TENM4: variants seen among roughly 807,000 people sequenced by gnomAD.
The protein encoded by TENM4 is teneurin-4.
In TENM4, 82 loss-of-function variants were observed where a neutral mutation model predicts 243.3. That is an observed-to-expected ratio of 0.34 (90% CI 0.28 to 0.40). TENM4 has a LOEUF of 0.40. Among genes scored for constraint, TENM4 ranks in the 10% least tolerant of loss-of-function variants. The pLI is 1.00. For synonymous variants in TENM4, 1,412 were observed against 1,456.3 expected (o/e 0.97, Z 0.69); for missense variants, 3,138 against 3,673.3 (o/e 0.85, Z 3.77).
At chr11:79,170,847 G>A (rs1055379865) in intron 3 of TENM4, among the ~76,000 whole-genome samples, 2 of 152,154 alleles carry the variant, frequency 1.3e-5, no homozygotes, top group Admixed American at 1.3e-4. Flanking sequence ...AGGAGCCGGA[G>A]AGACCTTTTT....
At chr11:79,274,656 C>T (rs558266894) in intron 2 of TENM4, among the ~76,000 whole-genome samples, 4 of 152,248 alleles carry the variant, frequency 2.6e-5, no homozygotes, top group East Asian at 1.9e-4. Context: ...TTAAAAACCA[C>T]GGAGCTGGCA....
intron 7 of TENM4, among the ~76,000 whole-genome samples, chr11:78,898,356 A>G (rs1266846209): frequency 6.6e-6 from 1 of 152,192 alleles, no homozygotes; most frequent in East Asian, 1.9e-4. Context: ...CTGTTATAGT[A>G]TTTATTCAGC....
chr11:78,758,224 C>T (rs746466142), intron 18 of TENM4, among the ~76,000 whole-genome samples: 1 of 152,160 alleles, frequency 6.6e-6, no homozygotes, highest in African/African-American at 2.4e-5. Context: ...AACTTCCTCA[C>T]CACCGTGGGA....
chr11:78,686,592 G>C (rs1243797228), intron 29 of TENM4, among the ~76,000 whole-genome samples: 1 of 152,164 alleles, frequency 6.6e-6, no homozygotes, highest in Non-Finnish European at 1.5e-5. Flanking sequence ...CAACCGGTGG[G>C]ATTTGAGGCC....
intron 4 of TENM4, among the ~76,000 whole-genome samples, chr11:79,115,784 G>A (rs1432285196): frequency 6.6e-6 from 1 of 152,156 alleles, no homozygotes; most frequent in Non-Finnish European, 1.5e-5. Flanking sequence ...GCTGCCCAAG[G>A]GCCTTCAGTA....
At position 78,815,622 on chromosome 11, in the gene TENM4, G is replaced by T. The variant is rs370158070; in HGVS notation, c.1682-1227C>A. On this transcript the variant is annotated intron_variant, in intron 12 of 33. Transcript: ENST00000278550. Reference sequence around the variant, plus strand: ...GGTAAACCTATTATCCAGAATGTGTGTTTATTTGGAACAGCTCATTTCTCA... The same window carrying T: ...GGTAAACCTATTATCCAGAATGTGTTTTTATTTGGAACAGCTCATTTCTCA... Among the ~76,000 whole-genome samples, 4 of 152,300 alleles carry T rather than the reference G, an allele frequency of 2.6e-5. No homozygotes were observed. In the East Asian group the frequency reaches 7.7e-4, roughly 29 times the overall value.
At chr11:79,163,523 T>C (rs564142122) in intron 3 of TENM4, among the ~76,000 whole-genome samples, 10 of 151,862 alleles carry the variant, frequency 6.6e-5, no homozygotes, top group African/African-American at 1.9e-4. Context: ...CAATGTGTAG[T>C]CTTTTATTCC....
intron 4 of TENM4, among the ~76,000 whole-genome samples, chr11:79,079,610 A>T (rs906206658): frequency 1.3e-5 from 2 of 152,134 alleles, no homozygotes; most frequent in African/African-American, 4.8e-5. Flanking sequence ...AGGGCAGATC[A>T]CTTGAGGCCG....
intron 7 of TENM4, among the ~76,000 whole-genome samples, chr11:78,892,497 G>A (rs1855691222): frequency 6.6e-6 from 1 of 152,154 alleles, no homozygotes; most frequent in Non-Finnish European, 1.5e-5. Context: ...GCAACTTTGG[G>A]TATAACCCTT....
chr11:79,164,935 A>T (rs1283869851), intron 3 of TENM4, among the ~76,000 whole-genome samples: 1 of 149,188 alleles, frequency 6.7e-6, no homozygotes, highest in Admixed American at 6.8e-5. Context: ...GCAACATGAA[A>T]ATGGACTAAT....
chr11:78,704,178 T>C (rs923586749), intron 27 of TENM4, among the ~76,000 whole-genome samples: 1 of 142,916 alleles, frequency 7.0e-6, no homozygotes, highest in African/African-American at 2.6e-5. Flanking sequence ...TATATATATA[T>C]ATATATATAT....
intron 28 of TENM4, among the ~76,000 whole-genome samples, chr11:78,699,382 G>C (rs944774394): frequency 1.3e-5 from 2 of 152,204 alleles, no homozygotes; most frequent in Non-Finnish European, 2.9e-5. Flanking sequence ...GTGGTTTCAG[G>C]CTTGTTATCT....
At position 79,409,473 on chromosome 11, in the gene TENM4, C is replaced by T. The variant is rs556096073; in HGVS notation, c.-321+31036G>A. On this transcript the variant is annotated intron_variant, in intron 1 of 33. Coordinates refer to ENST00000278550, the MANE Select transcript of TENM4 (RefSeq NM_001098816.3). ...GGAATGAGGGGCGGCAGGAATCCAG[C>T]GTGGCTAGGGAATTTCACCAGCTGC... is the stretch of plus-strand genomic sequence containing the variant. Among the ~76,000 whole-genome samples the T allele has an allele frequency of 9.2e-5, 14 of 152,236 alleles. 1 individual carries two copies. In the South Asian group the frequency reaches 2.1e-3, roughly 23 times the overall value.
intron 6 of TENM4, among the ~76,000 whole-genome samples, chr11:78,959,313 A>G (rs1235737815): frequency 6.6e-6 from 1 of 152,244 alleles, no homozygotes; most frequent in African/African-American, 2.4e-5. Context: ...GGCAGAAACA[A>G]TAAAGATAAT....
chr11:78,859,372 C>T (rs1331826256), intron 10 of TENM4, among the ~76,000 whole-genome samples: 1 of 152,224 alleles, frequency 6.6e-6, no homozygotes, highest in Non-Finnish European at 1.5e-5. Context: ...GGCTCCCCTA[C>T]AGCAAGATTA....
chr11:79,335,827 C>T (rs367594666), intron 1 of TENM4, among the ~76,000 whole-genome samples: 1 of 152,146 alleles, frequency 6.6e-6, no homozygotes, highest in Non-Finnish European at 1.5e-5. Flanking sequence ...ACTAATTCTG[C>T]CTGAAAGATA....
intron 18 of TENM4, among the ~76,000 whole-genome samples, chr11:78,761,094 T>C (rs1051289571): frequency 2.6e-5 from 4 of 152,214 alleles, no homozygotes; most frequent in Admixed American, 1.3e-4. Flanking sequence ...GGAGTGGTCA[T>C]CCTTCTGCAT....
chr11:78,940,196 C>T (rs1856862012), intron 6 of TENM4, among the ~76,000 whole-genome samples: 1 of 152,098 alleles, frequency 6.6e-6, no homozygotes, highest in South Asian at 2.1e-4. Flanking sequence ...TATCCAATCT[C>T]CACTTAACAT....
At position 79,064,654 on chromosome 11, in the gene TENM4, G is replaced by A. The variant is rs375106020; in HGVS notation, c.493+84C>T. ...TTTCACCAACTTCACCAGAGCCCCG[G>A]CAGTGGAGCAGGAAATCAATATTAT... is the stretch of plus-strand genomic sequence containing the variant. On this transcript the variant is annotated intron_variant, in intron 6 of 33. Coordinates refer to ENST00000278550, the MANE Select transcript of TENM4 (RefSeq NM_001098816.3). 809 of 1,503,048 alleles carry A rather than the reference G, an allele frequency of 5.4e-4. 4 individuals carry two copies. In the African/African-American group the frequency reaches 9.1e-3, roughly 17 times the overall value. 93.1% of individuals were successfully genotyped at this position (1,503,048 alleles called of 1,614,324 possible).
Sources: allele counts gnomAD v4.1 joint callset (sites outside exome capture counted in the v4.1 genomes callset), GRCh38; gene constraint gnomAD v4.1.1; transcripts MANE v1.5; gene names NCBI Gene and HGNC (gene_info 2026-07-23, HGNC 2026-07-21).